The following ZNF277 variants were observed in gnomAD, a reference collection of about 807,000 sequenced individuals.
ZNF277 encodes the protein nuclear receptor-interacting factor 4.
In ZNF277, 55 loss-of-function variants were observed where a neutral mutation model predicts 60.7. The ratio of observed to expected loss-of-function variants is 0.91; its 90% CI spans 0.73 to 1.13. ZNF277 has a LOEUF of 1.13. Ranked by LOEUF, ZNF277 falls within the 50% of genes most tolerant of loss-of-function variation. The probability of loss-of-function intolerance (pLI) is 0.00; values close to 1 mark genes in which losing one functional copy is unlikely to be tolerated. For synonymous variants in ZNF277, 178 were observed against 179.3 expected (o/e 0.99, Z 0.06); for missense variants, 510 against 523.0 (o/e 0.98, Z 0.24).
At chr7:112,304,775 A>C (rs1457430927) in intron 4 of ZNF277, among the ~76,000 whole-genome samples, 1 of 152,168 alleles carries the variant, frequency 6.6e-6, no homozygotes, top group Non-Finnish European at 1.5e-5. Context: ...TTATGTCTTT[A>C]GCCAGCCTCA....
At chr7:112,298,052 A>C (rs977165717) in intron 4 of ZNF277, among the ~76,000 whole-genome samples, 1 of 152,212 alleles carries the variant, frequency 6.6e-6, no homozygotes, top group African/African-American at 2.4e-5. Flanking sequence ...ATGAAAAGGC[A>C]ATCAATCCAT....
At chr7:112,236,091 T>G (rs1266274407) in intron 1 of ZNF277, among the ~76,000 whole-genome samples, 1 of 152,076 alleles carries the variant, frequency 6.6e-6, no homozygotes, top group Non-Finnish European at 1.5e-5. Context: ...ACCATTGATC[T>G]ATATTGGTCT....
At position 112,267,906 on chromosome 7, in the gene ZNF277, T is replaced by A. The variant is rs1791586070; in HGVS notation, c.92-18967T>A. Among the ~76,000 whole-genome samples, 4 of 152,118 alleles carry A rather than the reference T, an allele frequency of 2.6e-5. No homozygotes were observed. In the South Asian group the frequency reaches 8.3e-4, roughly 32 times the overall value. ...GGATGCTCCCACAGACGAGTGAAAT[T>A]CTCAAGCATCAGGAACTAACCCTTT... On this transcript the variant is annotated intron_variant, in intron 1 of 11. Transcript: ENST00000361822.
At chr7:112,232,042 C>CATACATAT (rs1822347998) in intron 1 of ZNF277, among the ~76,000 whole-genome samples, 1 of 133,286 alleles carries the variant, frequency 7.5e-6, no homozygotes, top group Non-Finnish European at 1.5e-5. Flanking sequence ...TAAATAAATA[C>CATACATAT]ATATATATAT....
At chr7:112,248,997 C>T (rs1791142565) in intron 1 of ZNF277, among the ~76,000 whole-genome samples, 1 of 152,120 alleles carries the variant, frequency 6.6e-6, no homozygotes, top group Admixed American at 6.6e-5. Context: ...TTACTTCCAT[C>T]CTGTTGATTC....
chr7:112,224,196 A>C (rs1822111234), intron 1 of ZNF277, among the ~76,000 whole-genome samples: 1 of 152,266 alleles, frequency 6.6e-6, no homozygotes. Context: ...ACAGTAGAGC[A>C]GGGGTGTCCT....
intron 1 of ZNF277, among the ~76,000 whole-genome samples, chr7:112,263,195 G>A (rs1226228712): frequency 6.6e-6 from 1 of 152,224 alleles, no homozygotes; most frequent in Non-Finnish European, 1.5e-5. Context: ...GAATAAAGCA[G>A]ACTGCTGATC....
intron 1 of ZNF277, among the ~76,000 whole-genome samples, chr7:112,230,042 G>GGCCATGTGAAAGAACTTGGAGTTTC (rs1822281265): frequency 6.6e-6 from 1 of 152,120 alleles, no homozygotes; most frequent in Non-Finnish European, 1.5e-5. Context: ...GGACCTTGTG[G>GGCCATGTGAAAGAACTTGGAGTTTC]GCCATGCGAA....
In ZNF277 at chr7:112,327,731, A is replaced by G; in HGVS notation, c.572A>G (p.Asn191Ser). 1 of 1,611,406 alleles carries G rather than the reference A, an allele frequency of 6.2e-7. No individual in the cohort carries two copies. The highest frequency in any genetic ancestry group is 8.5e-7 in the Non-Finnish European group (1 of 1,179,252). The change falls in exon 6 of 12, where the codon AAC (asparagine) becomes AGC (serine). Residue 191 changes from asparagine to serine, a missense_variant. Transcript: ENST00000361822. ...EFLGNRSVIL[N>S]HMAREHAFNI... ...TTTCTTCCTAGATCTGTTATTTTGA[A>G]CCACATGGCCAGAGAACATGCTTTC...
chr7:112,269,816 G>A (rs966013966), intron 1 of ZNF277, among the ~76,000 whole-genome samples: 5 of 152,066 alleles, frequency 3.3e-5, no homozygotes, highest in African/African-American at 4.8e-5. Context: ...AAGCTGAGCT[G>A]TATTATCAGA....
chr7:112,220,342 G>A lies in ZNF277; in HGVS notation c.91+13535G>A, dbSNP rs535411037. Among the ~76,000 whole-genome samples the A allele has an allele frequency of 2.7e-5, 4 of 150,882 alleles. No homozygotes were observed. The East Asian group carries it at 5.8e-4, about 22-fold the overall frequency. On this transcript the variant is annotated intron_variant, in intron 1 of 11. Transcript: ENST00000361822. ...TATTTCTTTTTTAATTCGTATGTTAGTGTATAGAAATGCTGATGATTTTTG... is the reference window on the plus strand; with the variant it reads ...TATTTCTTTTTTAATTCGTATGTTAATGTATAGAAATGCTGATGATTTTTG...
chr7:112,310,574 G>C (rs868531976), intron 4 of ZNF277, among the ~76,000 whole-genome samples: 1 of 151,588 alleles, frequency 6.6e-6, no homozygotes, highest in Admixed American at 6.6e-5. Context: ...ATGCTACATT[G>C]TTCTGTAGCA....
At chr7:112,211,712 A>G (rs1821753820) in intron 1 of ZNF277, among the ~76,000 whole-genome samples, 1 of 152,216 alleles carries the variant, frequency 6.6e-6, no homozygotes, top group Non-Finnish European at 1.5e-5. Flanking sequence ...GTGGCATTTA[A>G]GATTCTAATC....
chr7:112,300,916 A>T (rs547283907), intron 4 of ZNF277, among the ~76,000 whole-genome samples: 1 of 152,174 alleles, frequency 6.6e-6, no homozygotes, highest in African/African-American at 2.4e-5. Context: ...CTGAGTCCCA[A>T]GTCCCACATC....
rs1281324793 is a variant in ZNF277, at chr7:112,224,602, C to T, written c.91+17795C>T. Among the ~76,000 whole-genome samples, 6 of 152,042 alleles carry T rather than the reference C, an allele frequency of 3.9e-5. No homozygotes were observed. The East Asian group carries it at 1.2e-3, about 29-fold the overall frequency. On this transcript the variant is annotated intron_variant, in intron 1 of 11. Transcript: ENST00000361822. ...TAATCAGATATCACCTGGGGGATGG[C>T]AAGAATTTTTTTCAGCTATTGAGGG... is the stretch of plus-strand genomic sequence containing the variant.
chr7:112,240,926 T>C (rs2116993211), intron 1 of ZNF277, among the ~76,000 whole-genome samples: 1 of 152,232 alleles, frequency 6.6e-6, no homozygotes, highest in African/African-American at 2.4e-5. Context: ...GGGGAAACTC[T>C]CTAGAGCATT....
chr7:112,242,557 C>CAAAAAAAAAAAAAAAAA (rs34058145), intron 1 of ZNF277, among the ~76,000 whole-genome samples: 4 of 99,486 alleles, frequency 4.0e-5, no homozygotes, highest in Non-Finnish European at 6.4e-5. Flanking sequence ...TAATAGCTAC[C>CAAAAAAAAAAAAAAAAA]AAAAAAAAAA....
intron 4 of ZNF277, among the ~76,000 whole-genome samples, chr7:112,301,864 A>G (rs1357927193): frequency 6.6e-6 from 1 of 152,162 alleles, no homozygotes; most frequent in East Asian, 1.9e-4. Flanking sequence ...CTGAAATTTC[A>G]TCCTGAAGTA....
intron 1 of ZNF277, among the ~76,000 whole-genome samples, chr7:112,209,001 A>G (rs1035365577): frequency 1.3e-5 from 2 of 152,150 alleles, no homozygotes; most frequent in East Asian, 1.9e-4. Flanking sequence ...TTTATAATAA[A>G]AAGGGATAAA....
Sources: allele counts gnomAD v4.1 joint callset (sites outside exome capture counted in the v4.1 genomes callset), GRCh38; gene constraint gnomAD v4.1.1; transcripts MANE v1.5; gene names NCBI Gene and HGNC (gene_info 2026-07-23, HGNC 2026-07-21).